SLC4A4: variants seen among roughly 807,000 people sequenced by gnomAD.
SLC4A4 encodes the protein solute carrier family 4 member 4.
Under a neutral mutation model 111.5 loss-of-function variants are expected in SLC4A4, and 27 were observed. The ratio of observed to expected loss-of-function variants is 0.24; its 90% CI spans 0.18 to 0.33. The LOEUF (loss-of-function observed/expected upper bound fraction) is 0.33. SLC4A4 is among the 10% of genes least tolerant of loss of function. The pLI, the probability that SLC4A4 is intolerant of heterozygous loss-of-function variation, is 1.00. For missense variants in SLC4A4, 909 were observed against 1,315.5 expected (o/e 0.69, Z 4.78); for synonymous variants, 443 against 463.4 (o/e 0.96, Z 0.57).
rs899344594 is a variant in SLC4A4, at chr4:71,171,198, A to G, written c.-1-65378A>G. ...TTTTAAGAATGGTGGGAGGTTCATC[A>G]AAACAGTGCTTTAGGAAAATTAACG... is the stretch of plus-strand genomic sequence containing the variant. On this transcript the variant is annotated intron_variant, in intron 2 of 26. Coordinates refer to the SLC4A4 transcript ENST00000649996. Among the ~76,000 whole-genome samples, 10 of 151,966 alleles carry G rather than the reference A, an allele frequency of 6.6e-5. No individual in the cohort carries two copies. The South Asian group carries it at 8.3e-4, about 13-fold the overall frequency.
intron 12 of SLC4A4, 99 bp downstream of exon 12, chr4:71,453,768 C>A: frequency 1.8e-6 from 2 of 1,117,264 alleles, no homozygotes; most frequent in Non-Finnish European, 2.7e-6. Context: ...AGTTACTCAG[C>A]GTGATTTTCT....
chr4:71,447,475 C>T lies in SLC4A4; in HGVS notation c.966-171C>T, dbSNP rs59748698. Among the ~76,000 whole-genome samples the T allele has an allele frequency of 4.4e-3, 663 of 152,232 alleles. 1 individual carries two copies. Among genetic ancestry groups the T allele is most frequent in the African/African-American group, 0.015 (619 of 41,548 alleles). Reference sequence around the variant, plus strand: ...AAACTGAACAATGAACTGTGTTTTGCAATAGTGCGAAAGAGTATATTCTGT... The same window carrying T: ...AAACTGAACAATGAACTGTGTTTTGTAATAGTGCGAAAGAGTATATTCTGT... On this transcript the variant is annotated intron_variant, in intron 8 of 25. Coordinates refer to ENST00000264485, the MANE Select transcript of SLC4A4 (RefSeq NM_001098484.3).
intron 4 of SLC4A4, among the ~76,000 whole-genome samples, chr4:71,340,661 T>A (rs939858939): frequency 2.0e-5 from 3 of 152,118 alleles, no homozygotes; most frequent in African/African-American, 7.2e-5. Context: ...GAGTTTGGAG[T>A]TTAGAGGCCC....
intron 1 of SLC4A4, among the ~76,000 whole-genome samples, chr4:71,187,738 G>C (rs1745547973): frequency 1.3e-5 from 2 of 152,310 alleles, no homozygotes; most frequent in East Asian, 3.9e-4. Context: ...GGCTGGGCTC[G>C]GGCTCAGTGA....
At chr4:71,529,262 A>C (rs1256652590) in intron 16 of SLC4A4, among the ~76,000 whole-genome samples, 1 of 152,142 alleles carries the variant, frequency 6.6e-6, no homozygotes, top group East Asian at 1.9e-4. Context: ...GCATAGTAAA[A>C]TTCACAGATT....
chr4:71,387,739 C>T (rs969517629), intron 6 of SLC4A4, among the ~76,000 whole-genome samples: 2 of 152,080 alleles, frequency 1.3e-5, no homozygotes, highest in Admixed American at 6.6e-5. Context: ...GGTGATCTGC[C>T]CGCCTCGGCC....
At chr4:71,167,276 A>T (rs940181656) in intron 2 of SLC4A4, among the ~76,000 whole-genome samples, 6 of 152,202 alleles carry the variant, frequency 3.9e-5, no homozygotes, top group African/African-American at 1.4e-4. Context: ...GAGCCAAGCA[A>T]GGCAGCATTA....
intron 17 of SLC4A4, 32 bp downstream of exon 17, chr4:71,532,207 G>A: frequency 8.3e-7 from 1 of 1,207,556 alleles, no homozygotes; most frequent in South Asian, 1.2e-5. Flanking sequence ...GGTCATTCCT[G>A]GAACTCTTTT....
intron 3 of SLC4A4, among the ~76,000 whole-genome samples, chr4:71,287,571 G>A (rs1261724461): frequency 6.6e-6 from 1 of 152,164 alleles, no homozygotes; most frequent in Non-Finnish European, 1.5e-5. Flanking sequence ...TAACTTCAAT[G>A]TACAGTATGG....
intron 18 of SLC4A4, among the ~76,000 whole-genome samples, chr4:71,544,955 C>T (rs1735388504): frequency 6.6e-6 from 1 of 151,976 alleles, no homozygotes; most frequent in Admixed American, 6.6e-5. Context: ...GAATGAATGA[C>T]TGAAATCTCA....
At chr4:71,498,319 A>G (rs1055090701) in intron 16 of SLC4A4, among the ~76,000 whole-genome samples, 4 of 152,188 alleles carry the variant, frequency 2.6e-5, no homozygotes, top group Non-Finnish European at 1.5e-5. Flanking sequence ...TGGAGATGCT[A>G]TAAGAAAAGA....
intron 1 of SLC4A4, among the ~76,000 whole-genome samples, chr4:71,071,798 G>A (rs560530670): frequency 6.6e-6 from 1 of 152,260 alleles, no homozygotes; most frequent in Non-Finnish European, 1.5e-5. Context: ...CCATTATACA[G>A]ATGTATCCCA....
chr4:71,073,549 A>C (rs1391905309), intron 1 of SLC4A4, among the ~76,000 whole-genome samples: 3 of 152,106 alleles, frequency 2.0e-5, no homozygotes, highest in African/African-American at 7.2e-5. Flanking sequence ...AAAAGTGCAC[A>C]ACCCCCACCT....
intron 15 of SLC4A4, among the ~76,000 whole-genome samples, chr4:71,491,996 A>G (rs1729973004): frequency 6.6e-6 from 1 of 151,468 alleles, no homozygotes; most frequent in African/African-American, 2.4e-5. Context: ...GATGCTGTTA[A>G]TCATGGGACT....
chr4:71,312,020 G>A (rs1726234521), intron 3 of SLC4A4, among the ~76,000 whole-genome samples: 1 of 151,880 alleles, frequency 6.6e-6, no homozygotes, highest in Non-Finnish European at 1.5e-5. Context: ...TACATTGACT[G>A]CTAGCCAGAC....
intron 6 of SLC4A4, among the ~76,000 whole-genome samples, chr4:71,376,152 T>TACACAC (rs1469538400): frequency 3.6e-5 from 2 of 55,694 alleles, no homozygotes; most frequent in African/African-American, 6.7e-5. Context: ...TATACCTGTA[T>TACACAC]ATATACACAC....
intron 8 of SLC4A4, among the ~76,000 whole-genome samples, chr4:71,441,897 A>G (rs1724753009): frequency 6.6e-6 from 1 of 152,164 alleles, no homozygotes; most frequent in Admixed American, 6.5e-5. Flanking sequence ...ACTTAATAGG[A>G]TTATGATGAT....
chr4:71,177,841 T>G (rs1374202863), intron 2 of SLC4A4, among the ~76,000 whole-genome samples: 1 of 152,202 alleles, frequency 6.6e-6, no homozygotes, highest in Non-Finnish European at 1.5e-5. Flanking sequence ...AATAGATATC[T>G]ACGGAACTCT....
chr4:71,338,480 C>T (rs1728606337), intron 3 of SLC4A4, among the ~76,000 whole-genome samples: 1 of 151,714 alleles, frequency 6.6e-6, no homozygotes, highest in African/African-American at 2.4e-5. Context: ...TGTAACATGA[C>T]CATCAATTTC....
Sources: gnomAD v4.1 joint callset for allele counts (sites outside exome capture counted in the v4.1 genomes callset) on GRCh38, gnomAD v4.1.1 for gene constraint, MANE v1.5 for transcripts, NCBI Gene and HGNC (gene_info 2026-07-23, HGNC 2026-07-21) for gene names.